The following KAT6B variants were observed in gnomAD, a reference collection of about 807,000 sequenced individuals.
KAT6B encodes the protein histone acetyltransferase KAT6B.
Under a neutral mutation model 187.5 loss-of-function variants are expected in KAT6B, and 10 were observed. That is an observed-to-expected ratio of 0.05 (90% confidence interval 0.03 to 0.09). KAT6B has a LOEUF of 0.09. Ranked by LOEUF, KAT6B falls within the 10% of genes least tolerant of loss-of-function variation. KAT6B has a pLI of 1.00. For synonymous variants in KAT6B, 861 were observed against 926.8 expected, an observed-to-expected ratio of 0.93 and a Z score of 1.29; for missense variants, 1,952 against 2,558.9, an observed-to-expected ratio of 0.76 and a Z score of 5.12.
intron 3 of KAT6B, among the ~76,000 whole-genome samples, chr10:74,956,276 A>C (rs367888620): frequency 6.6e-6 from 1 of 152,168 alleles, no homozygotes; most frequent in Non-Finnish European, 1.5e-5. Context: ...CAAGAATACT[A>C]TATAGGTGGT....
intron 13 of KAT6B, among the ~76,000 whole-genome samples, chr10:75,018,061 G>C (rs1261064830): frequency 6.6e-6 from 1 of 152,182 alleles, no homozygotes; most frequent in Non-Finnish European, 1.5e-5. Context: ...TAGTGGCCTT[G>C]TGCAGTCTGC....
intron 3 of KAT6B, among the ~76,000 whole-genome samples, chr10:74,891,806 A>G (rs1845662810): frequency 1.3e-5 from 2 of 152,188 alleles, no homozygotes; most frequent in African/African-American, 2.4e-5. Context: ...CAGAATTAAC[A>G]TTGTTTATCA....
intron 3 of KAT6B, among the ~76,000 whole-genome samples, chr10:74,926,501 C>T (rs1332339530): frequency 6.6e-6 from 1 of 152,150 alleles, no homozygotes; most frequent in Non-Finnish European, 1.5e-5. Context: ...TCCATATTGC[C>T]TACAGGAGAA....
chr10:74,979,410 A>G, intron 10 of KAT6B, 71 bp downstream of exon 10: 1 of 1,098,218 alleles, frequency 9.1e-7, no homozygotes, highest in Non-Finnish European at 1.4e-6. Flanking sequence ...TCTTGATTCT[A>G]AAGCAGGAAT....
In KAT6B at chr10:74,924,191, A is replaced by G. The variant is rs571957522; in HGVS notation, c.622-35779A>G. Among the ~76,000 whole-genome samples the G allele has an allele frequency of 2.0e-5, 3 of 152,302 alleles. 1 individual carries two copies. Among genetic ancestry groups the G allele is most frequent in the African/African-American group, 7.2e-5 (3 of 41,564 alleles). On this transcript the variant is annotated intron_variant, in intron 3 of 17. Transcript: ENST00000287239. ...GATTACACCTTTAAATTTTTAAAAC[A>G]TATTTTTATTTAAAATAGCCCTCAC...
chr10:74,958,063 A>G (rs1278326220), intron 3 of KAT6B, among the ~76,000 whole-genome samples: 1 of 152,252 alleles, frequency 6.6e-6, no homozygotes, highest in Non-Finnish European at 1.5e-5. Flanking sequence ...TAAAGGGAAG[A>G]TAATGAATGC....
At chr10:74,902,899 G>A (rs1846500368) in intron 3 of KAT6B, among the ~76,000 whole-genome samples, 1 of 152,068 alleles carries the variant, frequency 6.6e-6, no homozygotes, top group Non-Finnish European at 1.5e-5. Flanking sequence ...TTGACATATT[G>A]TCTCATACTT....
At chr10:75,013,786 G>T (rs1051412463) in intron 13 of KAT6B, among the ~76,000 whole-genome samples, 2 of 152,122 alleles carry the variant, frequency 1.3e-5, no homozygotes, top group Non-Finnish European at 2.9e-5. Context: ...TATGGATGAG[G>T]GATCTGAAGC....
At chr10:74,865,524 T>A (rs1413870604) in intron 3 of KAT6B, among the ~76,000 whole-genome samples, 1 of 151,800 alleles carries the variant, frequency 6.6e-6, no homozygotes, top group Non-Finnish European at 1.5e-5. Flanking sequence ...TTTATCTTTT[T>A]TTTTTTTTTG....
intron 3 of KAT6B, among the ~76,000 whole-genome samples, chr10:74,942,381 TCAA>T: frequency 6.6e-6 from 1 of 151,882 alleles, no homozygotes; most frequent in East Asian, 1.9e-4. Context: ...GGAAAAACAA[TCAA>T]CAAAGCTAAA....
chr10:74,891,031 C>T (rs1038110445), intron 3 of KAT6B, among the ~76,000 whole-genome samples: 1 of 152,100 alleles, frequency 6.6e-6, no homozygotes, highest in Non-Finnish European at 1.5e-5. Flanking sequence ...GAGCTGAGCT[C>T]TATATGAATA....
intron 3 of KAT6B, among the ~76,000 whole-genome samples, chr10:74,848,104 A>G (rs1353978031): frequency 6.6e-6 from 1 of 151,584 alleles, no homozygotes; most frequent in East Asian, 1.9e-4. Flanking sequence ...TTTTCAGTAG[A>G]GACGGGGTTT....
At chr10:74,995,202 T>C (rs756996137) in intron 13 of KAT6B, among the ~76,000 whole-genome samples, 11 of 152,204 alleles carry the variant, frequency 7.2e-5, no homozygotes, top group Admixed American at 3.3e-4. Context: ...TGGAGGTCAA[T>C]ATTTATATAT....
intron 3 of KAT6B, among the ~76,000 whole-genome samples, chr10:74,854,047 C>T (rs1564522881): frequency 2.6e-5 from 4 of 152,186 alleles, no homozygotes; most frequent in South Asian, 4.1e-4. Context: ...TTAGGTGAAA[C>T]TGTTCTCTGA....
intron 3 of KAT6B, among the ~76,000 whole-genome samples, chr10:74,935,069 A>G (rs897824178): frequency 1.3e-5 from 2 of 152,382 alleles, no homozygotes; most frequent in Admixed American, 1.3e-4. Context: ...TGGGCCCATT[A>G]TTGAACAATT....
intron 3 of KAT6B, among the ~76,000 whole-genome samples, chr10:74,861,824 C>G (rs1450547220): frequency 6.6e-6 from 1 of 152,026 alleles, no homozygotes; most frequent in Non-Finnish European, 1.5e-5. Flanking sequence ...TAGCTTTTCC[C>G]AAATGATGTT....
chr10:74,839,747 G>A lies in KAT6B; in HGVS notation c.-259+995G>A, dbSNP rs555403135. On this transcript the variant is annotated intron_variant, in intron 2 of 17. Coordinates refer to ENST00000287239, the MANE Select transcript of KAT6B (RefSeq NM_012330.4). ...AATATCTTCTAATGAAATTTTGCCCGAAACCATTTTACTTGGGAAAGATCA... is the reference window on the plus strand; with the variant it reads ...AATATCTTCTAATGAAATTTTGCCCAAAACCATTTTACTTGGGAAAGATCA... Among the ~76,000 whole-genome samples the A allele has an allele frequency of 2.0e-5, 3 of 152,228 alleles. No homozygotes were observed. In the East Asian group the frequency reaches 5.8e-4, roughly 29 times the overall value.
chr10:74,826,819 G>A (rs1440194241), intron 1 of KAT6B, 34 bp downstream of exon 1: 1 of 151,704 alleles, frequency 6.6e-6, no homozygotes, highest in Non-Finnish European at 1.5e-5. Flanking sequence ...CCCAGGGGGA[G>A]GAGACTGGGC....
chr10:74,988,490 A>G (rs1589761750), intron 12 of KAT6B, among the ~76,000 whole-genome samples: 2 of 152,246 alleles, frequency 1.3e-5, no homozygotes, highest in East Asian at 3.9e-4. Context: ...AGCTTTTTAC[A>G]TTGACTTTTT....
Sources: gnomAD v4.1 joint callset for allele counts (sites outside exome capture counted in the v4.1 genomes callset) on GRCh38, gnomAD v4.1.1 for gene constraint, MANE v1.5 for transcripts, NCBI Gene and HGNC (gene_info 2026-07-23, HGNC 2026-07-21) for gene names.